The following CYYR1 variants were observed in gnomAD, a reference collection of about 807,000 sequenced individuals.
CYYR1 encodes cysteine and tyrosine rich 1.
In CYYR1, 14 loss-of-function variants were observed where a neutral mutation model predicts 15.2. That is an observed-to-expected ratio of 0.92 (90% CI 0.61 to 1.44). The LOEUF (loss-of-function observed/expected upper bound fraction) is 1.44. Among genes scored for constraint, CYYR1 ranks in the 40% most tolerant of loss-of-function variants. The probability of loss-of-function intolerance (pLI) is 0.00; values close to 1 mark genes in which losing one functional copy is unlikely to be tolerated. For missense variants in CYYR1, 228 were observed against 209.5 expected, an observed-to-expected ratio of 1.09 and a Z score of -0.54; for synonymous variants, 80 against 77.4, an observed-to-expected ratio of 1.03 and a Z score of -0.18.
At chr21:26,504,799 C>T (rs12627243) in intron 2 of CYYR1, among the ~76,000 whole-genome samples, 26,746 of 152,130 alleles carry the variant, frequency 0.18, 2,380 homozygotes, top group East Asian at 0.19. Context: ...CACCTCCATC[C>T]GATTCCCTGA....
chr21:26,498,667 C>T (rs1307439772), intron 2 of CYYR1, among the ~76,000 whole-genome samples: 2 of 152,154 alleles, frequency 1.3e-5, no homozygotes, highest in Non-Finnish European at 2.9e-5. Flanking sequence ...ACTATATGGA[C>T]ATATCCAAGA....
intron 2 of CYYR1, among the ~76,000 whole-genome samples, chr21:26,545,944 T>C (rs182081708): frequency 5.7e-4 from 87 of 152,258 alleles, no homozygotes; most frequent in African/African-American, 2.1e-3. Flanking sequence ...CACGTAAATA[T>C]GGTGTTTTCT....
At chr21:26,504,411 C>T (rs1788208258) in intron 2 of CYYR1, among the ~76,000 whole-genome samples, 1 of 152,050 alleles carries the variant, frequency 6.6e-6, no homozygotes, top group Non-Finnish European at 1.5e-5. Context: ...GCTGGGATTA[C>T]AGGCGCGTAC....
chr21:26,511,080 T>C lies in CYYR1; in HGVS notation c.177-30651A>G, dbSNP rs189211017. Among the ~76,000 whole-genome samples, 24 of 152,332 alleles carry C rather than the reference T, an allele frequency of 1.6e-4. No individual in the cohort carries two copies. In the East Asian group the frequency reaches 4.6e-3, roughly 29 times the overall value. ...AACTTCTTGCTAACTGACGTTATTG[T>C]AGCATGCCATTTATTATCTGTGAGA... On this transcript the variant is annotated intron_variant, in intron 2 of 3. Transcript: ENST00000652641.
At chr21:26,562,064 A>G (rs958170521) in intron 2 of CYYR1, among the ~76,000 whole-genome samples, 1 of 152,200 alleles carries the variant, frequency 6.6e-6, no homozygotes, top group Admixed American at 6.5e-5. Flanking sequence ...TCACAGATCT[A>G]TCTTCCATGA....
intron 2 of CYYR1, chr21:26,564,846 G>T: frequency 8.4e-7 from 1 of 1,183,950 alleles, no homozygotes; most frequent in Non-Finnish European, 1.1e-6. Flanking sequence ...GAGACAGTTT[G>T]AGAAAAAAAA....
At chr21:26,494,137 A>C (rs922389327) in intron 2 of CYYR1, among the ~76,000 whole-genome samples, 3 of 152,230 alleles carry the variant, frequency 2.0e-5, no homozygotes, top group Non-Finnish European at 2.9e-5. Flanking sequence ...TACCACAACT[A>C]ATTAGCAGAA....
At chr21:26,540,090 T>C (rs1978440446) in intron 2 of CYYR1, among the ~76,000 whole-genome samples, 1 of 152,246 alleles carries the variant, frequency 6.6e-6, no homozygotes, top group Admixed American at 6.5e-5. Context: ...TTCAGCATTT[T>C]CGTTTAAGAC....
At chr21:26,506,296 C>T (rs990448958) in intron 2 of CYYR1, among the ~76,000 whole-genome samples, 3 of 152,142 alleles carry the variant, frequency 2.0e-5, no homozygotes, top group Admixed American at 6.5e-5. Context: ...CATCGAAATG[C>T]CCCTGCTTAA....
chr21:26,533,390 G>A (rs2065957090), intron 2 of CYYR1, among the ~76,000 whole-genome samples: 1 of 152,002 alleles, frequency 6.6e-6, no homozygotes, highest in Admixed American at 6.6e-5. Flanking sequence ...TAAGTCTGAA[G>A]GCCTGAGAAC....
At chr21:26,499,225 G>A (rs1403766580) in intron 2 of CYYR1, among the ~76,000 whole-genome samples, 1 of 152,134 alleles carries the variant, frequency 6.6e-6, no homozygotes, top group African/African-American at 2.4e-5. Context: ...GGTTCATACT[G>A]GATTACCTGG....
intron 2 of CYYR1, among the ~76,000 whole-genome samples, chr21:26,556,442 G>C (rs1979785994): frequency 6.6e-6 from 1 of 152,142 alleles, no homozygotes; most frequent in South Asian, 2.1e-4. Context: ...CTGATAAATA[G>C]TAACAGGATA....
intron 1 of CYYR1, among the ~76,000 whole-genome samples, chr21:26,570,385 G>C (rs1414487991): frequency 6.6e-6 from 1 of 152,164 alleles, no homozygotes; most frequent in African/African-American, 2.4e-5. Flanking sequence ...TGAAGCACTT[G>C]CTTAGAAATG....
At chr21:26,494,432 A>G (rs772142819) in intron 2 of CYYR1, among the ~76,000 whole-genome samples, 3 of 152,216 alleles carry the variant, frequency 2.0e-5, no homozygotes, top group Non-Finnish European at 4.4e-5. Context: ...ATAAGCAACA[A>G]TCTCAAGTCT....
intron 3 of CYYR1, among the ~76,000 whole-genome samples, chr21:26,476,585 C>CATCTAT (rs2065106884): frequency 7.0e-6 from 1 of 143,738 alleles, no homozygotes; most frequent in Non-Finnish European, 1.5e-5. Flanking sequence ...CCCTATCTAT[C>CATCTAT]ATCTATCTAT....
At chr21:26,539,551 T>TAA (rs1401014352) in intron 2 of CYYR1, among the ~76,000 whole-genome samples, 1 of 152,214 alleles carries the variant, frequency 6.6e-6, no homozygotes, top group Non-Finnish European at 1.5e-5. Flanking sequence ...TACTGTAGTT[T>TAA]TCATTCCCAT....
chr21:26,480,271 C>A lies in CYYR1; in HGVS notation c.334+1G>T. The stretch of plus-strand genomic sequence containing the variant: ...CTTCGAGAGTCAACAGTTTTGCTCA[C>A]CAGGATAGGAGGAGACGGTGTTGAT... On this transcript the variant is annotated splice_donor_variant, in intron 3 of 3. Coordinates refer to ENST00000652641, the MANE Select transcript of CYYR1 (RefSeq NM_001320768.2). LOFTEE classifies it high-confidence loss of function. The A allele has an allele frequency of 6.2e-7, 1 of 1,605,068 alleles. No homozygotes were observed. Among genetic ancestry groups the A allele is most frequent in the Non-Finnish European group, 8.5e-7 (1 of 1,176,480 alleles).
At chr21:26,500,244 G>T (rs985388929) in intron 2 of CYYR1, among the ~76,000 whole-genome samples, 6 of 152,166 alleles carry the variant, frequency 3.9e-5, no homozygotes, top group African/African-American at 1.4e-4. Flanking sequence ...ATGCCATCAT[G>T]TTGGGGATAT....
chr21:26,514,339 T>C (rs1310660371), intron 2 of CYYR1, among the ~76,000 whole-genome samples: 1 of 152,168 alleles, frequency 6.6e-6, no homozygotes, highest in Admixed American at 6.5e-5. Flanking sequence ...GCCTTGGTAC[T>C]CGTGGTAATG....
Sources: allele counts gnomAD v4.1 joint callset (sites outside exome capture counted in the v4.1 genomes callset), GRCh38; gene constraint gnomAD v4.1.1; transcripts MANE v1.5; gene names NCBI Gene and HGNC (gene_info 2026-07-23, HGNC 2026-07-21).